GSE1: variants seen among roughly 807,000 people sequenced by gnomAD.
The protein encoded by GSE1 is Gse1 coiled-coil protein, also known as genetic suppressor element 1.
Under a neutral mutation model 112.6 loss-of-function variants are expected in GSE1, and 32 were observed. That is an observed-to-expected ratio of 0.28 (90% CI 0.21 to 0.38). GSE1 has a LOEUF of 0.38. Ranked by LOEUF, GSE1 falls within the 10% of genes least tolerant of loss-of-function variation. The probability of loss-of-function intolerance (pLI) is 1.00; values close to 1 mark genes in which losing one functional copy is unlikely to be tolerated. For missense variants in GSE1, 2,348 were observed against 1,699.2 expected (o/e 1.38, Z -6.71); for synonymous variants, 1,115 against 735.6 (o/e 1.52, Z -8.35).
At chr16:85,326,385 C>T (rs1345107611) in intron 1 of GSE1, among the ~76,000 whole-genome samples, 1 of 152,212 alleles carries the variant, frequency 6.6e-6, no homozygotes, top group African/African-American at 2.4e-5. Context: ...ATGAGTTTAG[C>T]CTGTGATATG....
intron 1 of GSE1, among the ~76,000 whole-genome samples, chr16:85,604,692 C>G (rs568257518): frequency 2.2e-5 from 2 of 91,808 alleles, no homozygotes; most frequent in Non-Finnish European, 4.0e-5. Flanking sequence ...CTGCAGTGAG[C>G]TATGATCGCA....
intron 2 of GSE1, among the ~76,000 whole-genome samples, chr16:85,475,271 C>T: frequency 6.6e-6 from 1 of 152,258 alleles, no homozygotes; most frequent in Admixed American, 6.5e-5. Flanking sequence ...CTTTGCAGAG[C>T]AGTGCAAGTA....
At chr16:85,275,401 G>A (rs1909257474) in intron 1 of GSE1, among the ~76,000 whole-genome samples, 1 of 152,204 alleles carries the variant, frequency 6.6e-6, no homozygotes, top group Admixed American at 6.5e-5. Flanking sequence ...TGAGCCAGGG[G>A]TGCTGAGGGC....
chr16:85,658,026 G>GA (rs1461311010), intron 8 of GSE1, among the ~76,000 whole-genome samples: 3 of 151,974 alleles, frequency 2.0e-5, no homozygotes, highest in Non-Finnish European at 2.9e-5. Flanking sequence ...TGATTTTAAG[G>GA]AAAAAAATGA....
chr16:85,471,632 T>G (rs2050299013), intron 2 of GSE1, among the ~76,000 whole-genome samples: 2 of 152,230 alleles, frequency 1.3e-5, no homozygotes, highest in African/African-American at 4.8e-5. Context: ...CAGACTGGTC[T>G]TGAACTCTTG....
At chr16:85,609,654 C>T (rs1368103855), upstream of GSE1, among the ~76,000 whole-genome samples, 12 of 149,792 alleles carry the variant, frequency 8.0e-5, no homozygotes, top group African/African-American at 1.2e-4. Context: ...GGAAAGCTTT[C>T]TTTTTTTTTT....
chr16:85,235,740 T>TG (rs1368747211), intron 1 of GSE1, among the ~76,000 whole-genome samples: 2 of 149,104 alleles, frequency 1.3e-5, no homozygotes, highest in Non-Finnish European at 3.0e-5. Context: ...GACTAGGAGG[T>TG]GGGGGGCCCG....
chr16:85,655,941 G>A, intron 6 of GSE1, 24 bp downstream of exon 6: 3 of 1,569,896 alleles, frequency 1.9e-6, no homozygotes, highest in Non-Finnish European at 2.6e-6. Flanking sequence ...GAGCCGAGGA[G>A]CCCCTCTGCC....
At chr16:85,357,549 C>T (rs2046975052) in exon 2 of GSE1, 3 of 1,286,864 alleles carry the variant, frequency 2.3e-6, no homozygotes, top group Non-Finnish European at 2.0e-6. Context: ...CCACGGAGAC[C>T]CTGCCCAGAG....
chr16:85,609,074 C>T (rs1167645713), upstream of GSE1, among the ~76,000 whole-genome samples: 3 of 152,180 alleles, frequency 2.0e-5, no homozygotes, highest in East Asian at 3.8e-4. Context: ...ACGGGTGGCG[C>T]CCGCACCCCT....
chr16:85,493,967 C>T (rs1366070958), intron 2 of GSE1, among the ~76,000 whole-genome samples: 5 of 152,170 alleles, frequency 3.3e-5, no homozygotes, highest in Admixed American at 2.6e-4. Context: ...CCTGTAGTCC[C>T]AGCTACCTTG....
chr16:85,177,067 T>A (rs1405530113), intron 1 of GSE1, among the ~76,000 whole-genome samples: 1 of 151,982 alleles, frequency 6.6e-6, no homozygotes, highest in Non-Finnish European at 1.5e-5. Flanking sequence ...CTCAGAGGAG[T>A]GAGCTTTCCA....
intron 2 of GSE1, among the ~76,000 whole-genome samples, chr16:85,523,921 AG>A (rs1475865474): frequency 6.6e-6 from 1 of 152,036 alleles, no homozygotes; most frequent in Non-Finnish European, 1.5e-5. Context: ...AGGGCGCAGG[AG>A]GGGGCAGCTT....
chr16:85,603,149 C>A (rs1478204195), intron 1 of GSE1, among the ~76,000 whole-genome samples: 1 of 152,260 alleles, frequency 6.6e-6, no homozygotes, highest in Admixed American at 6.5e-5. Context: ...CTTTCCCCTG[C>A]ATGGGAGAAT....
At chr16:85,486,352 C>T (rs548303288) in intron 2 of GSE1, among the ~76,000 whole-genome samples, 94 of 152,322 alleles carry the variant, frequency 6.2e-4, no homozygotes, top group African/African-American at 2.1e-3. Flanking sequence ...TGCACACGAG[C>T]CCGGGAAGCC....
intron 9 of GSE1, chr16:85,662,624 C>A (rs949057799): frequency 1.8e-5 from 4 of 224,116 alleles, no homozygotes; most frequent in Non-Finnish European, 2.6e-5. Flanking sequence ...CTCAGATGGC[C>A]ACAGCATGGG....
At chr16:85,214,016 C>A (rs1036854315) in intron 1 of GSE1, among the ~76,000 whole-genome samples, 8 of 152,252 alleles carry the variant, frequency 5.3e-5, no homozygotes, top group African/African-American at 1.9e-4. Flanking sequence ...CCCAGGGCAT[C>A]TCTTGCCAGG....
rs12931712 is a variant in GSE1, at chr16:85,225,959, C to T, written c.2283+54152C>T. 3.3e-5 allele frequency among the ~76,000 whole-genome samples: 5 copies of T among 152,090 alleles called. No homozygotes were observed. In the South Asian group the frequency reaches 6.2e-4, roughly 19 times the overall value. ...TGGGGGATCCACTGGCCGGGTGGCT[C>T]TTTTGTGGCTGTTGGCTGGAGGCCT... is the stretch of plus-strand genomic sequence containing the variant. On this transcript the variant is annotated intron_variant, in intron 1 of 2. Coordinates refer to the GSE1 transcript ENST00000637419.
chr16:85,325,246 G>C (rs2046201706), intron 1 of GSE1, among the ~76,000 whole-genome samples: 1 of 152,040 alleles, frequency 6.6e-6, no homozygotes, highest in Non-Finnish European at 1.5e-5. Flanking sequence ...TTGGATTATA[G>C]GCATGAACCG....
Sources: gnomAD v4.1 joint callset for allele counts (sites outside exome capture counted in the v4.1 genomes callset) on GRCh38, gnomAD v4.1.1 for gene constraint, MANE v1.5 for transcripts, NCBI Gene and HGNC (gene_info 2026-07-23, HGNC 2026-07-21) for gene names.